NRXN1: variants seen among roughly 807,000 people sequenced by gnomAD.
The protein encoded by NRXN1 is neurexin 1.
A neutral mutation model predicts 150.9 loss-of-function variants in NRXN1; 39 were observed. That is an observed-to-expected ratio of 0.26 (90% confidence interval 0.20 to 0.34). The LOEUF is 0.34. Ranked by LOEUF, NRXN1 falls within the 10% of genes least tolerant of loss-of-function variation. The probability of loss-of-function intolerance (pLI) is 1.00; values close to 1 mark genes in which losing one functional copy is unlikely to be tolerated. For synonymous variants in NRXN1, 924 were observed against 757.0 expected, an observed-to-expected ratio of 1.22 and a Z score of -3.62; for missense variants, 1,815 against 1,949.9, an observed-to-expected ratio of 0.93 and a Z score of 1.30.
At chr2:50,952,785 C>T (rs1199791776) in intron 2 of NRXN1, among the ~76,000 whole-genome samples, 2 of 152,144 alleles carry the variant, frequency 1.3e-5, no homozygotes, top group African/African-American at 4.8e-5. Context: ...CTGAATCATA[C>T]TCCCCCTTTC....
chr2:50,081,883 C>T (rs915980769), intron 19 of NRXN1, among the ~76,000 whole-genome samples: 3 of 152,002 alleles, frequency 2.0e-5, no homozygotes, highest in Non-Finnish European at 2.9e-5. Flanking sequence ...AATGTGACTT[C>T]TTCTTCCATT....
chr2:50,714,087 AAAAGGT>A (rs761149721), intron 5 of NRXN1, among the ~76,000 whole-genome samples: 8 of 152,178 alleles, frequency 5.3e-5, no homozygotes, highest in Non-Finnish European at 1.0e-4. Flanking sequence ...AAAATATTAG[AAAAGGT>A]AGCAAGATAC....
intron 18 of NRXN1, among the ~76,000 whole-genome samples, chr2:50,125,014 G>A (rs911770384): frequency 5.9e-5 from 9 of 152,042 alleles, no homozygotes; most frequent in Admixed American, 1.3e-4. Flanking sequence ...AGATATGTAT[G>A]TAAGTAATAT....
At chr2:50,919,899 C>T (rs1489719481) in intron 5 of NRXN1, 2 of 221,886 alleles carry the variant, frequency 9.0e-6, no homozygotes, top group Non-Finnish European at 1.0e-5. Flanking sequence ...GTCATTCATT[C>T]TAACTTGCCC....
intron 17 of NRXN1, chr2:50,312,824 C>T (rs2152965713): frequency 4.1e-6 from 2 of 489,648 alleles, no homozygotes; most frequent in African/African-American, 1.9e-5. Context: ...AAAATTAAAC[C>T]ACCCTCCATT....
intron 18 of NRXN1, among the ~76,000 whole-genome samples, chr2:50,157,431 C>T (rs868853633): frequency 1.3e-5 from 2 of 152,024 alleles, no homozygotes; most frequent in Non-Finnish European, 2.9e-5. Flanking sequence ...ATACACATTA[C>T]ATATTATTCC....
intron 2 of NRXN1, among the ~76,000 whole-genome samples, chr2:50,944,093 T>A (rs1388453000): frequency 6.6e-6 from 1 of 152,224 alleles, no homozygotes; most frequent in African/African-American, 2.4e-5. Context: ...AACTTGTAGA[T>A]CTTATTTTAG....
At chr2:50,092,252 A>C (rs534666031) in intron 18 of NRXN1, among the ~76,000 whole-genome samples, 1 of 152,298 alleles carries the variant, frequency 6.6e-6, no homozygotes, top group African/African-American at 2.4e-5. Flanking sequence ...GAATCATTCT[A>C]ACTATAAAGT....
chr2:50,218,526 G>C (rs974965199), intron 18 of NRXN1, among the ~76,000 whole-genome samples: 1 of 141,024 alleles, frequency 7.1e-6, no homozygotes, highest in Non-Finnish European at 1.5e-5. Context: ...GAATCTAAAC[G>C]TCTTTGGTAA....
At chr2:50,617,077 C>A (rs182507767) in intron 8 of NRXN1, among the ~76,000 whole-genome samples, 8 of 152,164 alleles carry the variant, frequency 5.3e-5, no homozygotes, top group African/African-American at 1.9e-4. Flanking sequence ...TCAGAAGTAA[C>A]AAGAGCAGGG....
chr2:50,430,735 A>G (rs951953694), intron 17 of NRXN1, among the ~76,000 whole-genome samples: 1 of 152,194 alleles, frequency 6.6e-6, no homozygotes, highest in Admixed American at 6.5e-5. Context: ...TACTGCTGAG[A>G]ACATTTCAAC....
At chr2:50,497,772 A>T (rs1038237916) in intron 13 of NRXN1, 58 bp from the exon 14 acceptor site, 7 of 1,485,646 alleles carry the variant, frequency 4.7e-6, no homozygotes, top group Non-Finnish European at 6.4e-6. Context: ...TTTCAACTTT[A>T]GGCTTTCATA....
chr2:50,394,144 CA>C (rs1483185724), intron 17 of NRXN1, among the ~76,000 whole-genome samples: 1 of 152,056 alleles, frequency 6.6e-6, no homozygotes, highest in Admixed American at 6.6e-5. Context: ...GCTCAGTTTT[CA>C]TATCTCTTCC....
intron 12 of NRXN1, among the ~76,000 whole-genome samples, chr2:50,518,144 T>A (rs1202197496): frequency 6.6e-6 from 1 of 152,074 alleles, no homozygotes; most frequent in Non-Finnish European, 1.5e-5. Context: ...AATTTACTTT[T>A]TAAGAAGAGA....
At chr2:51,001,855 A>C (rs1700120560) in intron 2 of NRXN1, among the ~76,000 whole-genome samples, 1 of 151,942 alleles carries the variant, frequency 6.6e-6, no homozygotes, top group Non-Finnish European at 1.5e-5. Context: ...GAAGCACATC[A>C]CAAAACATAG....
intron 5 of NRXN1, among the ~76,000 whole-genome samples, chr2:50,879,901 C>T (rs780623155): frequency 2.6e-5 from 4 of 151,880 alleles, no homozygotes; most frequent in Admixed American, 1.3e-4. Flanking sequence ...GACGTATTTG[C>T]GGCAGGCTCC....
At chr2:49,974,194 A>C (rs1357308542) in intron 21 of NRXN1, 1 of 705,034 alleles carries the variant, frequency 1.4e-6, no homozygotes, top group Admixed American at 2.0e-5. Context: ...GCGAGAAAAG[A>C]CACAGAAAAC....
At chr2:50,196,612 T>C (rs116235059) in intron 18 of NRXN1, among the ~76,000 whole-genome samples, 335 of 152,304 alleles carry the variant, frequency 2.2e-3, no homozygotes, top group African/African-American at 7.7e-3. Flanking sequence ...TATACAGTTA[T>C]ATATTTATCA....
intron 13 of NRXN1, among the ~76,000 whole-genome samples, chr2:50,505,631 C>G (rs2092182980): frequency 6.6e-6 from 1 of 152,094 alleles, no homozygotes; most frequent in Admixed American, 6.6e-5. Context: ...ATTTTTTTTA[C>G]CTTCCTTTCC....
Sources: allele counts gnomAD v4.1 joint callset (sites outside exome capture counted in the v4.1 genomes callset), GRCh38; gene constraint gnomAD v4.1.1; transcripts MANE v1.5; gene names NCBI Gene and HGNC (gene_info 2026-07-23, HGNC 2026-07-21).